KIAA1549L: variants seen among roughly 807,000 people sequenced by gnomAD.
KIAA1549L encodes the protein UPF0606 protein KIAA1549L.
In KIAA1549L, 88 loss-of-function variants were observed where a neutral mutation model predicts 160.7. The ratio of observed to expected loss-of-function variants is 0.55; its 90% confidence interval spans 0.46 to 0.65. The LOEUF is 0.65. KIAA1549L is among the 30% of genes least tolerant of loss of function. KIAA1549L has a pLI of 0.00. For synonymous variants in KIAA1549L, 950 were observed against 976.7 expected, an observed-to-expected ratio of 0.97 and a Z score of 0.51; for missense variants, 2,258 against 2,437.5, an observed-to-expected ratio of 0.93 and a Z score of 1.55.
chr11:33,401,189 A>T (rs1054165128), intron 1 of KIAA1549L, among the ~76,000 whole-genome samples: 2 of 146,282 alleles, frequency 1.4e-5, no homozygotes, highest in African/African-American at 2.6e-5. Context: ...GGCTCATATT[A>T]TATATATATA....
At chr11:33,496,088 C>T (rs574397050) in intron 1 of KIAA1549L, among the ~76,000 whole-genome samples, 4 of 152,158 alleles carry the variant, frequency 2.6e-5, no homozygotes, top group Admixed American at 2.0e-4. Context: ...CTCAGCCTCC[C>T]GAGTAGCTGG....
intron 1 of KIAA1549L, among the ~76,000 whole-genome samples, chr11:33,528,787 G>A (rs1853671791): frequency 6.6e-6 from 1 of 152,144 alleles, no homozygotes; most frequent in South Asian, 2.1e-4. Context: ...AGAATGCAAA[G>A]GCAGAAGAAT....
At chr11:33,422,307 C>T (rs1390306485) in intron 1 of KIAA1549L, among the ~76,000 whole-genome samples, 1 of 152,122 alleles carries the variant, frequency 6.6e-6, no homozygotes, top group Non-Finnish European at 1.5e-5. Flanking sequence ...CCTGTGTATT[C>T]CTTCCCCAAT....
chr11:33,471,444 G>A (rs1216592103), intron 1 of KIAA1549L, among the ~76,000 whole-genome samples: 1 of 152,024 alleles, frequency 6.6e-6, no homozygotes, highest in Non-Finnish European at 1.5e-5. Flanking sequence ...TAATCATGTA[G>A]GGCATAGCAT....
chr11:33,434,076 C>T (rs1851306983), intron 1 of KIAA1549L, among the ~76,000 whole-genome samples: 1 of 147,682 alleles, frequency 6.8e-6, no homozygotes, highest in South Asian at 2.2e-4. Flanking sequence ...AATAAAGCCC[C>T]CCCCGCCACC....
At chr11:33,522,367 A>T (rs1405735220) in intron 1 of KIAA1549L, among the ~76,000 whole-genome samples, 1 of 152,226 alleles carries the variant, frequency 6.6e-6, no homozygotes, top group Non-Finnish European at 1.5e-5. Flanking sequence ...ATATGGAATT[A>T]AGAATTAATA....
chr11:33,434,494 T>C (rs1851316571), intron 1 of KIAA1549L, among the ~76,000 whole-genome samples: 1 of 152,220 alleles, frequency 6.6e-6, no homozygotes, highest in African/African-American at 2.4e-5. Flanking sequence ...AGTGGGGTTC[T>C]AAACCATGTG....
chr11:33,470,215 T>C (rs1325676574), intron 1 of KIAA1549L, among the ~76,000 whole-genome samples: 1 of 152,132 alleles, frequency 6.6e-6, no homozygotes, highest in African/African-American at 2.4e-5. Context: ...TAGGGTCCAA[T>C]TTTGTTGTTT....
At chr11:33,661,772 G>A (rs1164251504) in intron 20 of KIAA1549L, among the ~76,000 whole-genome samples, 1 of 151,482 alleles carries the variant, frequency 6.6e-6, no homozygotes, top group Admixed American at 6.6e-5. Flanking sequence ...TCTAGCTACT[G>A]GGGAAGCTGA....
chr11:33,510,606 C>T (rs1355792924), intron 1 of KIAA1549L, among the ~76,000 whole-genome samples: 1 of 152,258 alleles, frequency 6.6e-6, no homozygotes, highest in Non-Finnish European at 1.5e-5. Context: ...TGTCCTAAAA[C>T]AGGGGCAGGT....
chr11:33,511,216 C>A (rs1039823202), intron 1 of KIAA1549L, among the ~76,000 whole-genome samples: 11 of 152,156 alleles, frequency 7.2e-5, no homozygotes, highest in African/African-American at 2.4e-4. Context: ...TCCCAATTTT[C>A]TGCTGTGACT....
At chr11:33,572,839 G>A (rs1018977249) in intron 9 of KIAA1549L, among the ~76,000 whole-genome samples, 2 of 152,184 alleles carry the variant, frequency 1.3e-5, no homozygotes, top group African/African-American at 4.8e-5. Flanking sequence ...CTGGTTCTTA[G>A]GGTTGGTGTA....
intron 1 of KIAA1549L, among the ~76,000 whole-genome samples, chr11:33,529,451 C>T (rs969073781): frequency 6.6e-6 from 1 of 152,192 alleles, no homozygotes; most frequent in African/African-American, 2.4e-5. Context: ...TGACTGCTGA[C>T]ATATACCAAG....
chr11:33,618,873 C>T (rs191513644), intron 16 of KIAA1549L, among the ~76,000 whole-genome samples: 1 of 152,324 alleles, frequency 6.6e-6, no homozygotes, highest in African/African-American at 2.4e-5. Flanking sequence ...ATCACGATTT[C>T]CGAATTGTGC....
intron 19 of KIAA1549L, 97 bp downstream of exon 19, chr11:33,658,995 C>A (rs1056149058): frequency 1.0e-5 from 13 of 1,257,282 alleles, no homozygotes; most frequent in Non-Finnish European, 1.3e-5. Context: ...TACCTACCAC[C>A]CTCAGGAATC....
chr11:33,448,188 C>T (rs1851654036), intron 1 of KIAA1549L, among the ~76,000 whole-genome samples: 1 of 152,116 alleles, frequency 6.6e-6, no homozygotes, highest in Admixed American at 6.5e-5. Flanking sequence ...ATTAACCCGT[C>T]ATCTAGGTTT....
intron 16 of KIAA1549L, among the ~76,000 whole-genome samples, chr11:33,625,966 C>T (rs1262631326): frequency 6.7e-6 from 1 of 149,404 alleles, no homozygotes; most frequent in Non-Finnish European, 1.5e-5. Flanking sequence ...CCAGTTTCAG[C>T]TTTCTACATA....
chr11:33,638,443 AAT>A (rs1304780305), intron 16 of KIAA1549L, among the ~76,000 whole-genome samples: 3 of 19,414 alleles, frequency 1.5e-4, no homozygotes, highest in African/African-American at 1.3e-3. Flanking sequence ...AAAATAAATA[AAT>A]AAATAAATAA....
rs1590324492 is a variant in KIAA1549L at position 33,542,638 on chromosome 11, C to T, written c.1075C>T (p.Pro359Ser). 1 of 1,613,916 alleles carries T rather than the reference C, an allele frequency of 6.2e-7. No individual in the cohort carries two copies. The highest frequency in any genetic ancestry group is 8.5e-7 in the Non-Finnish European group (1 of 1,179,846). Residue 359 changes from proline (P) to serine (S), a missense_variant, in exon 2 of 21, where the codon CCA (proline) becomes TCA (serine). Pro to Ser is a moderately conservative substitution (Grantham distance 74, BLOSUM62 -1). Coordinates refer to ENST00000658780, the MANE Select transcript of KIAA1549L (RefSeq NM_012194.3). ...ACTGTCCCATCCGTCTCCCCCTCCC[C>T]CAGCACTTGGAAGTCTTCTTCAGCT... is the stretch of plus-strand genomic sequence containing the variant. ...AELSHPSPPPPALGSLLQLPD... is the reference protein window; with the variant it reads ...AELSHPSPPPSALGSLLQLPD...
Sources: allele counts gnomAD v4.1 joint callset (sites outside exome capture counted in the v4.1 genomes callset), GRCh38; gene constraint gnomAD v4.1.1; transcripts MANE v1.5; gene names NCBI Gene and HGNC (gene_info 2026-07-23, HGNC 2026-07-21).